CIMIP2A: variants seen among roughly 807,000 people sequenced by gnomAD.
CIMIP2A encodes the protein ciliary microtubule inner protein 2A.
chr9:137,254,806 G>A, the CIMIP2A span, among the ~76,000 whole-genome samples: 2 of 152,118 alleles, frequency 1.3e-5, no homozygotes, highest in African/African-American at 2.4e-5. Flanking sequence ...TGGGAGGGCG[G>A]CCGTCGCTCG....
the CIMIP2A span, chr9:137,243,643 A>C: frequency 1.2e-6 from 2 of 1,613,986 alleles, no homozygotes; most frequent in East Asian, 4.5e-5. Flanking sequence ...CACTGTGTGC[A>C]CTTGCTGTTT....
chr9:137,252,351 G>C, the CIMIP2A span: 3 of 1,443,214 alleles, frequency 2.1e-6, no homozygotes, highest in Admixed American at 5.7e-5. Context: ...CAGGGGCCGA[G>C]GGTGGGAACC....
the CIMIP2A span, chr9:137,253,120 A>T: frequency 1.3e-6 from 2 of 1,565,498 alleles, no homozygotes; most frequent in Non-Finnish European, 1.7e-6. Flanking sequence ...GGCAGCCCGA[A>T]CCCCTGGCCC....
chr9:137,244,394 G>A, the CIMIP2A span: 118 of 1,577,374 alleles, frequency 7.5e-5, no homozygotes, highest in Non-Finnish European at 9.7e-5. Flanking sequence ...CCGTGGGAAA[G>A]CTGCTAATGC....
the CIMIP2A span, chr9:137,244,065 TGGTC>T: frequency 1.7e-6 from 2 of 1,199,100 alleles, no homozygotes; most frequent in Non-Finnish European, 2.4e-6. Context: ...ACCCTGGTAA[TGGTC>T]AGACAGGTGG....
chr9:137,252,333 C>A, the CIMIP2A span: 1 of 1,370,960 alleles, frequency 7.3e-7, no homozygotes, highest in South Asian at 1.3e-5. Flanking sequence ...ATTGTGAAGA[C>A]AAGGGTTCAG....
At chr9:137,252,645 C>G in the CIMIP2A span, 4 of 1,530,272 alleles carry the variant, frequency 2.6e-6, no homozygotes, top group Non-Finnish European at 2.6e-6. Context: ...TGCAGCCCGT[C>G]TCCTACCCCC....
the CIMIP2A span, chr9:137,245,172 T>C: frequency 3.0e-5 from 35 of 1,156,710 alleles, no homozygotes; most frequent in Non-Finnish European, 4.1e-5. Flanking sequence ...CGTCTCCTGC[T>C]GGCGGCGGGC....
At chr9:137,246,072 G>A in the CIMIP2A span, among the ~76,000 whole-genome samples, 6 of 152,214 alleles carry the variant, frequency 3.9e-5, no homozygotes, top group Non-Finnish European at 7.4e-5. Context: ...ACCACATGCT[G>A]GGAACACGTC....
the CIMIP2A span, chr9:137,252,168 G>A: frequency 1.9e-6 from 3 of 1,587,036 alleles, no homozygotes; most frequent in Non-Finnish European, 2.6e-6. Flanking sequence ...CCAACCACCG[G>A]GCCTGTCCCT....
the CIMIP2A span, chr9:137,253,546 T>G: frequency 7.3e-7 from 1 of 1,371,122 alleles, no homozygotes; most frequent in Non-Finnish European, 9.5e-7. Context: ...TGGCTGCCGC[T>G]GGGTCATTTC....
the CIMIP2A span, among the ~76,000 whole-genome samples, chr9:137,249,443 A>G: frequency 6.6e-6 from 1 of 152,200 alleles, no homozygotes; most frequent in Non-Finnish European, 1.5e-5. Context: ...CCTGGCTGGT[A>G]ATTCCCATAT....
chr9:137,249,384 C>CCTT, the CIMIP2A span, among the ~76,000 whole-genome samples: 1 of 152,218 alleles, frequency 6.6e-6, no homozygotes, highest in African/African-American at 2.4e-5. Context: ...GCTTCCACTC[C>CCTT]TAAGAAGCTG....
chr9:137,254,743 ACTCTCCTTCACGG>A, the CIMIP2A span, among the ~76,000 whole-genome samples: 50 of 149,908 alleles, frequency 3.3e-4, no homozygotes, highest in South Asian at 8.4e-4. Flanking sequence ...TGGAACCTGG[ACTCTCCTTCACGG>A]CTCCGCGGAG....
chr9:137,251,656 G>A, the CIMIP2A span: 4 of 1,484,980 alleles, frequency 2.7e-6, no homozygotes, highest in East Asian at 2.5e-5. Context: ...GGGGGCTGAG[G>A]GACAATAGAG....
the CIMIP2A span, chr9:137,251,592 G>C: frequency 8.9e-7 from 1 of 1,128,796 alleles, no homozygotes. Context: ...GGAGCGGCCA[G>C]GGGCTGAGGG....
chr9:137,246,681 T>C, the CIMIP2A span, among the ~76,000 whole-genome samples: 2 of 151,904 alleles, frequency 1.3e-5, no homozygotes, highest in African/African-American at 4.8e-5. Flanking sequence ...GAGAATGGCG[T>C]GAACCCAGGA....
At chr9:137,243,892 G>T in the CIMIP2A span, 1 of 1,280,108 alleles carries the variant, frequency 7.8e-7, no homozygotes, top group Non-Finnish European at 1.1e-6. Context: ...TGGGCCCTGG[G>T]TATCTGCTTG....
the CIMIP2A span, chr9:137,247,545 T>C: frequency 1.0e-6 from 1 of 980,308 alleles, no homozygotes. Context: ...TGGCCTTCAG[T>C]TTCCTGGGGT....
Sources: allele counts gnomAD v4.1 joint callset (sites outside exome capture counted in the v4.1 genomes callset), GRCh38; gene constraint gnomAD v4.1.1; transcripts MANE v1.5; gene names NCBI Gene and HGNC (gene_info 2026-07-23, HGNC 2026-07-21).